DENND2A: variants seen among roughly 807,000 people sequenced by gnomAD.
DENND2A encodes DENN domain containing 2A, also known as DENN domain-containing protein 2A.
A neutral mutation model predicts 105.3 loss-of-function variants in DENND2A; 53 were observed. The observed-to-expected ratio is 0.50, with a 90% CI of 0.40 to 0.63. The LOEUF is 0.63. DENND2A is among the 30% of genes least tolerant of loss of function. DENND2A has a pLI of 0.00. For missense variants in DENND2A, 1,138 were observed against 1,279.6 expected (o/e 0.89, Z 1.69); for synonymous variants, 522 against 508.4 (o/e 1.03, Z -0.36).
intron 1 of DENND2A, among the ~76,000 whole-genome samples, chr7:140,633,170 A>G (rs913746146): frequency 6.6e-6 from 1 of 151,974 alleles, no homozygotes; most frequent in Non-Finnish European, 1.5e-5. Context: ...CTGGGACTAT[A>G]GGCACCTGCC....
intron 3 of DENND2A, among the ~76,000 whole-genome samples, chr7:140,599,778 C>A (rs984666415): frequency 2.0e-5 from 3 of 151,858 alleles, no homozygotes; most frequent in Non-Finnish European, 4.4e-5. Context: ...TGCTATTATG[C>A]TATTTACAGA....
At chr7:140,568,849 T>G in intron 7 of DENND2A, 36 bp from the exon 8 acceptor site, 1 of 1,602,730 alleles carries the variant, frequency 6.2e-7, no homozygotes, top group Non-Finnish European at 8.5e-7. Context: ...ATTGCAAATG[T>G]GAGTTCTTCT....
At chr7:140,557,531 ATTTTTTTTTT>A (rs1156756617) in intron 11 of DENND2A, among the ~76,000 whole-genome samples, 444 of 39,616 alleles carry the variant, frequency 0.011, 6 homozygotes, top group African/African-American at 0.031. Context: ...ATATATATAT[ATTTTTTTTTT>A]TTTTTTTTTT....
intron 14 of DENND2A, among the ~76,000 whole-genome samples, chr7:140,537,951 G>T (rs1796506183): frequency 6.6e-6 from 1 of 152,122 alleles, no homozygotes; most frequent in African/African-American, 2.4e-5. Flanking sequence ...TGAAGGCGAG[G>T]GTGTAGAGAA....
chr7:140,522,052 C>T lies in DENND2A; in HGVS notation c.2714G>A (p.Arg905His), dbSNP rs775853504. The change falls in exon 18 of 20, where the codon CGC (arginine) becomes CAC (histidine). Residue 905 changes from arginine (R) to histidine (H), a missense_variant. Physicochemically the swap from Arg to His is conservative, Grantham distance 29 (BLOSUM62 0). This residue lies in a region of DENND2A where 627 missense variants were observed against 779.8 expected (regional missense o/e 0.80). Coordinates refer to ENST00000496613, the MANE Select transcript of DENND2A (RefSeq NM_015689.5). ...LNEVVSEAFV[R>H]FFVEIVGHYS... The stretch of plus-strand genomic sequence containing the variant: ...GTGTCCCACAATCTCCACGAAGAAG[C>T]GGACAAAGGCTTCAGACACCACCTC... 8.1e-6 allele frequency: 13 copies of T among 1,614,034 alleles called. No individual in the cohort carries two copies. The African/African-American group carries it at 9.3e-5, about 12-fold the overall frequency.
In DENND2A at chr7:140,602,543, C is replaced by T. The variant is rs1799554470; in HGVS notation, c.-145-1G>A. On this transcript the variant is annotated splice_acceptor_variant, in intron 2 of 19. Transcript: ENST00000496613. LOFTEE classifies it low-confidence loss of function (5UTR_SPLICE). The stretch of plus-strand genomic sequence containing the variant: ...AGTCCTTGGACCTTCCACCTTGACC[C>T]TGCACAAGAAAGACAAACACCAGGT... The T allele has an allele frequency of 1.3e-6, 1 of 767,496 alleles. No homozygotes were observed. Among genetic ancestry groups the T allele is most frequent in the Non-Finnish European group, 1.9e-6 (1 of 529,234 alleles). The allele number at this position is 767,496 out of a possible 1,614,324, so 47.5% of individuals were successfully genotyped here.
At chr7:140,605,996 G>A (rs1415574888) in intron 1 of DENND2A, among the ~76,000 whole-genome samples, 190 bp from the exon 2 acceptor site, 1 of 152,122 alleles carries the variant, frequency 6.6e-6, no homozygotes, top group Admixed American at 6.6e-5. Context: ...CCCGATGTCC[G>A]CCCGGATTCA....
At chr7:140,609,129 G>GT (rs1338300200) in intron 1 of DENND2A, among the ~76,000 whole-genome samples, 1 of 152,140 alleles carries the variant, frequency 6.6e-6, no homozygotes, top group Non-Finnish European at 1.5e-5. Flanking sequence ...AGAGATAATG[G>GT]TATGATTGAT....
At chr7:140,617,534 T>A (rs954671652) in intron 1 of DENND2A, among the ~76,000 whole-genome samples, 9 of 152,068 alleles carry the variant, frequency 5.9e-5, no homozygotes, top group Non-Finnish European at 1.3e-4. Context: ...CTGGCCAACA[T>A]GGTGAAACCG....
intron 5 of DENND2A, among the ~76,000 whole-genome samples, chr7:140,583,312 C>G (rs1352899493): frequency 1.4e-5 from 2 of 146,538 alleles, no homozygotes; most frequent in Non-Finnish European, 2.9e-5. Context: ...CTGTCTCAAA[C>G]AAACAAACAA....
intron 2 of DENND2A, among the ~76,000 whole-genome samples, chr7:140,603,008 G>C (rs1799572291): frequency 6.6e-6 from 1 of 152,012 alleles, no homozygotes. Context: ...ATATGGGCCA[G>C]GCATTGTGGC....
intron 5 of DENND2A, among the ~76,000 whole-genome samples, chr7:140,576,405 T>C (rs1798301727): frequency 6.6e-6 from 1 of 152,180 alleles, no homozygotes; most frequent in African/African-American, 2.4e-5. Context: ...TTGTACACAT[T>C]TTATTTATTA....
chr7:140,594,565 A>T (rs1265930690), intron 3 of DENND2A, among the ~76,000 whole-genome samples: 1 of 152,180 alleles, frequency 6.6e-6, no homozygotes, highest in Non-Finnish European at 1.5e-5. Flanking sequence ...CACTGACAGG[A>T]GTTATGATCA....
At chr7:140,536,298 T>C (rs1035141287) in intron 14 of DENND2A, among the ~76,000 whole-genome samples, 12 of 150,734 alleles carry the variant, frequency 8.0e-5, no homozygotes, top group Non-Finnish European at 1.8e-4. Flanking sequence ...GAGGTTGCAG[T>C]GAGCCGAGAT....
intron 9 of DENND2A, among the ~76,000 whole-genome samples, chr7:140,561,468 T>G (rs1797608655): frequency 6.6e-6 from 1 of 151,426 alleles, no homozygotes; most frequent in Admixed American, 6.6e-5. Flanking sequence ...ATATAATGGC[T>G]AACCTATATT....
chr7:140,563,451 T>C (rs995869016), intron 9 of DENND2A, among the ~76,000 whole-genome samples: 1 of 151,528 alleles, frequency 6.6e-6, no homozygotes, highest in Non-Finnish European at 1.5e-5. Flanking sequence ...AAGATAAATA[T>C]GGGATAGGAA....
chr7:140,566,930 AT>A (rs1055212548), intron 9 of DENND2A, among the ~76,000 whole-genome samples, 155 bp downstream of exon 9: 4 of 150,066 alleles, frequency 2.7e-5, no homozygotes, highest in East Asian at 1.9e-4. Flanking sequence ...TAGCAGCAGC[AT>A]TTTTTTTTCA....
intron 1 of DENND2A, among the ~76,000 whole-genome samples, chr7:140,634,060 G>A (rs1337108548): frequency 6.7e-5 from 10 of 150,328 alleles, no homozygotes; most frequent in Admixed American, 2.7e-4. Context: ...GTGCAGTGGC[G>A]CGACCTCGGC....
chr7:140,621,334 G>T (rs1259930742), intron 1 of DENND2A, among the ~76,000 whole-genome samples: 1 of 151,938 alleles, frequency 6.6e-6, no homozygotes, highest in African/African-American at 2.4e-5. Context: ...CACCAGGCCT[G>T]GCCCTTCCAC....
Sources: gnomAD v4.1 joint callset for allele counts (sites outside exome capture counted in the v4.1 genomes callset) on GRCh38, gnomAD v4.1.1 for gene constraint, gnomAD v4.1.1 regional missense constraint, MANE v1.5 for transcripts, NCBI Gene and HGNC (gene_info 2026-07-23, HGNC 2026-07-21) for gene names.